USH2A: variants seen among roughly 807,000 people sequenced by gnomAD.
The protein encoded by USH2A is usherin.
Under a neutral mutation model 538.9 loss-of-function variants are expected in USH2A, and 443 were observed. The ratio of observed to expected loss-of-function variants is 0.82; its 90% CI spans 0.76 to 0.89. The LOEUF (loss-of-function observed/expected upper bound fraction) is 0.89. Among genes scored for constraint, USH2A ranks in the 40% least tolerant of loss-of-function variants. The probability of loss-of-function intolerance (pLI) is 0.00; values close to 1 mark genes in which losing one functional copy is unlikely to be tolerated. For synonymous variants in USH2A, 2,413 were observed against 2,273.5 expected, an observed-to-expected ratio of 1.06 and a Z score of -1.75; for missense variants, 6,633 against 6,324.8, an observed-to-expected ratio of 1.05 and a Z score of -1.65.
chr1:216,083,051 C>A (rs182152153), intron 26 of USH2A, among the ~76,000 whole-genome samples: 1 of 151,808 alleles, frequency 6.6e-6, no homozygotes, highest in Admixed American at 6.6e-5. Context: ...AGTTATCAGG[C>A]GTGGTGGTAG....
intron 21 of USH2A, among the ~76,000 whole-genome samples, chr1:216,105,801 C>T (rs979791310): frequency 6.6e-6 from 1 of 151,822 alleles, no homozygotes; most frequent in Non-Finnish European, 1.5e-5. Flanking sequence ...TGTTTTATAG[C>T]TTTGGCTATA....
At chr1:216,041,654 T>C (rs7340049) in intron 32 of USH2A, among the ~76,000 whole-genome samples, 17,033 of 151,926 alleles carry the variant, frequency 0.11, 1,269 homozygotes, top group African/African-American at 0.22. Context: ...TTTTAAACAG[T>C]GTGGGTGATT....
At chr1:215,993,783 A>G (rs1290308359) in intron 34 of USH2A, among the ~76,000 whole-genome samples, 6 of 152,204 alleles carry the variant, frequency 3.9e-5, no homozygotes, top group African/African-American at 1.4e-4. Flanking sequence ...CACATAATTT[A>G]CTTATGTGTC....
intron 49 of USH2A, among the ~76,000 whole-genome samples, chr1:215,803,568 A>G (rs1407469805): frequency 6.6e-6 from 1 of 152,154 alleles, no homozygotes; most frequent in Non-Finnish European, 1.5e-5. Flanking sequence ...TAGGAATCCA[A>G]CTTACAAGGG....
chr1:215,641,557 G>A (rs1377213820), intron 67 of USH2A, among the ~76,000 whole-genome samples: 1 of 152,080 alleles, frequency 6.6e-6, no homozygotes, highest in Non-Finnish European at 1.5e-5. Flanking sequence ...AACAAATGAA[G>A]GGATACCATG....
rs753085223 is a variant in USH2A, at chr1:216,200,100, G to A, written c.3338C>T (p.Thr1113Ile). The change falls in exon 17 of 72, where the codon ACA (threonine) becomes ATA (isoleucine). Residue 1113 changes from threonine (T) to isoleucine (I), a missense_variant. Coordinates refer to ENST00000307340, the MANE Select transcript of USH2A (RefSeq NM_206933.4). ...YPYSIQYFLDTDLLPYTKYSY... is the reference protein window; with the variant it reads ...YPYSIQYFLDIDLLPYTKYSY... ...ATATTTGGTATATGGTAACAGGTCT[G>A]TGTCTAAGAAGTATTGAATACCTGA... 1.4e-5 allele frequency: 22 copies of A among 1,612,042 alleles called. No individual in the cohort carries two copies. The highest frequency in any genetic ancestry group is 3.4e-6 in the Non-Finnish European group (4 of 1,179,312).
At chr1:216,264,444 C>T (rs2036433186) in intron 11 of USH2A, among the ~76,000 whole-genome samples, 1 of 151,972 alleles carries the variant, frequency 6.6e-6, no homozygotes, top group Non-Finnish European at 1.5e-5. Context: ...ATTACAGGTG[C>T]CCGCCACCAT....
At position 216,226,530 on chromosome 1, in the gene USH2A, C is replaced by T. The variant is rs376875002; in HGVS notation, c.2993+5423G>A. ...GGTAGAAACTCACTTGGACTAGAACCACCCAAAGCAGTCTATTGTCTCTGG... is the reference window on the plus strand; with the variant it reads ...GGTAGAAACTCACTTGGACTAGAACTACCCAAAGCAGTCTATTGTCTCTGG... On this transcript the variant is annotated intron_variant, in intron 14 of 71. Transcript: ENST00000307340. Among the ~76,000 whole-genome samples, 146 of 152,250 alleles carry T rather than the reference C, an allele frequency of 9.6e-4. 2 individuals are homozygous for T. The highest frequency in any genetic ancestry group is 3.4e-3 in the African/African-American group (143 of 41,562).
intron 4 of USH2A, among the ~76,000 whole-genome samples, chr1:216,363,802 T>C (rs1421798093): frequency 6.6e-6 from 1 of 151,958 alleles, no homozygotes; most frequent in Non-Finnish European, 1.5e-5. Flanking sequence ...ACATGAAACG[T>C]TGTTTATAAC....
Position 216,284,142 on chromosome 1 carries a change from A to T in USH2A, c.1971+5138T>A, listed in dbSNP as rs146120653. 5.4e-3 allele frequency among the ~76,000 whole-genome samples: 827 copies of T among 152,124 alleles called. 7 individuals carry two copies. Among genetic ancestry groups the T allele is most frequent in the African/African-American group, 0.019 (805 of 41,492 alleles). On this transcript the variant is annotated intron_variant, in intron 11 of 71. Transcript: ENST00000307340. ...ATATGTACATATATATGTAGTATTT[A>T]ATTTTGAATTAATAATAAATTATTT...
intron 63 of USH2A, 139 bp from the exon 64 acceptor site, chr1:215,671,432 A>C: frequency 2.0e-6 from 2 of 978,706 alleles, no homozygotes; most frequent in Admixed American, 2.2e-5. Context: ...AGAATAACAA[A>C]GTTGAGAATG....
chr1:215,632,249 T>G (rs1455490603), intron 70 of USH2A, among the ~76,000 whole-genome samples: 1 of 152,024 alleles, frequency 6.6e-6, no homozygotes, highest in African/African-American at 2.4e-5. Flanking sequence ...AGGTTCTGGT[T>G]AAAATGGCAG....
intron 11 of USH2A, among the ~76,000 whole-genome samples, chr1:216,264,805 A>G (rs938556966): frequency 6.6e-6 from 1 of 152,132 alleles, no homozygotes; most frequent in Non-Finnish European, 1.5e-5. Flanking sequence ...ACCAAAAACA[A>G]AGAGTGGGAA....
At chr1:216,393,399 G>C (rs1044070393) in intron 3 of USH2A, among the ~76,000 whole-genome samples, 1 of 152,092 alleles carries the variant, frequency 6.6e-6, no homozygotes, top group African/African-American at 2.4e-5. Flanking sequence ...AATTAAATAA[G>C]GTACATAAGT....
At chr1:215,711,292 C>T (rs879555362) in intron 61 of USH2A, among the ~76,000 whole-genome samples, 1 of 152,000 alleles carries the variant, frequency 6.6e-6, no homozygotes, top group Non-Finnish European at 1.5e-5. Flanking sequence ...TCCTGTGTTG[C>T]GACTTGGAGT....
At chr1:216,140,296 G>A (rs565218746) in intron 21 of USH2A, among the ~76,000 whole-genome samples, 5 of 152,016 alleles carry the variant, frequency 3.3e-5, no homozygotes, top group Admixed American at 6.6e-5. Context: ...CACAGTGCAC[G>A]GCACATAGTA....
intron 3 of USH2A, among the ~76,000 whole-genome samples, chr1:216,388,932 G>A (rs1003166502): frequency 6.6e-6 from 1 of 152,094 alleles, no homozygotes; most frequent in Non-Finnish European, 1.5e-5. Context: ...GTATTTAAAG[G>A]CAAATCAATT....
chr1:216,260,422 G>C (rs974264726), intron 11 of USH2A, among the ~76,000 whole-genome samples: 5 of 152,128 alleles, frequency 3.3e-5, no homozygotes, highest in African/African-American at 4.8e-5. Flanking sequence ...GTTAAACAAT[G>C]GTTCTCAGCT....
chr1:215,808,977 G>A (rs1369408260), intron 49 of USH2A, among the ~76,000 whole-genome samples: 1 of 152,066 alleles, frequency 6.6e-6, no homozygotes. Context: ...GAATTCAGGA[G>A]ACAGTTGGCT....
Sources: allele counts gnomAD v4.1 joint callset (sites outside exome capture counted in the v4.1 genomes callset), GRCh38; gene constraint gnomAD v4.1.1; transcripts MANE v1.5; gene names NCBI Gene and HGNC (gene_info 2026-07-23, HGNC 2026-07-21).